SCGB2B2: variants seen among roughly 807,000 people sequenced by gnomAD.
The protein encoded by SCGB2B2 is secretoglobin family 2B member 2, also known as secretoglobin-like protein.
SCGB2B2 carries 11 observed loss-of-function variants against 7.6 expected under a neutral mutation model. The ratio of observed to expected loss-of-function variants is 1.45; its 90% CI spans 0.91 to 2.40. The LOEUF (loss-of-function observed/expected upper bound fraction) is 2.40. Among genes scored for constraint, SCGB2B2 ranks in the 30% most tolerant of loss-of-function variants. SCGB2B2 has a pLI of 0.00. For synonymous variants in SCGB2B2, 50 were observed against 48.6 expected, an observed-to-expected ratio of 1.03 and a Z score of -0.12; for missense variants, 104 against 115.4, an observed-to-expected ratio of 0.90 and a Z score of 0.45.
rs144277579 is a variant in SCGB2B2, at chr19:34,629,957, T to C, written c.-2031-33363A>G. ...ATAACAGAACCCTCAGAAATAATGC[T>C]GCATATCTACAACTATCTGATCTTT... On this transcript the variant is annotated intron_variant, in intron 1 of 3. Coordinates refer to ENST00000601241, the MANE Select transcript of SCGB2B2 (RefSeq NM_001025591.4). Among the ~76,000 whole-genome samples, 1,192 of 151,948 alleles carry C rather than the reference T, an allele frequency of 7.8e-3. 20 individuals are homozygous for C. The highest frequency in any genetic ancestry group is 0.027 in the African/African-American group (1,128 of 41,508).
intron 1 of SCGB2B2, among the ~76,000 whole-genome samples, chr19:34,659,129 G>A (rs141558558): frequency 6.6e-5 from 10 of 152,262 alleles, no homozygotes; most frequent in African/African-American, 2.4e-4. Context: ...AGGTATTGAT[G>A]GGACGTATCT....
chr19:34,644,365 T>TG, intron 1 of SCGB2B2, among the ~76,000 whole-genome samples: 1 of 148,236 alleles, frequency 6.7e-6, no homozygotes, highest in East Asian at 1.9e-4. Context: ...TTTTTTTGTT[T>TG]TTTTTTTTTT....
chr19:34,663,877 T>C (rs1383942494), intron 1 of SCGB2B2, among the ~76,000 whole-genome samples: 1 of 151,750 alleles, frequency 6.6e-6, no homozygotes. Flanking sequence ...AGGAGAGGAC[T>C]GGGGGGAAGA....
chr19:34,607,251 T>G (rs1457711715), intron 1 of SCGB2B2, among the ~76,000 whole-genome samples: 1 of 152,190 alleles, frequency 6.6e-6, no homozygotes, highest in Non-Finnish European at 1.5e-5. Flanking sequence ...TGAATAGTAT[T>G]CCATTGTATA....
Position 34,676,191 on chromosome 19 carries a change from T to C in SCGB2B2, c.-2593A>G, listed in dbSNP as rs1229875501. 2 of 152,186 alleles carry C rather than the reference T, an allele frequency of 1.3e-5. No individual in the cohort carries two copies. The highest frequency in any genetic ancestry group is 2.9e-5 in the Non-Finnish European group (2 of 68,044). The allele number at this position is 152,186 out of a possible 1,614,324, so 9.4% of individuals were successfully genotyped here. On this transcript the variant is annotated 5_prime_UTR_variant, in exon 1 of 4. Transcript: ENST00000601241. Reference sequence around the variant, plus strand: ...TGCTGACTGGTGCATTTACAAACCTTTAGCTAGACACAGAGCACTGATTGG... The same window carrying C: ...TGCTGACTGGTGCATTTACAAACCTCTAGCTAGACACAGAGCACTGATTGG...
At chr19:34,652,268 G>A (rs1036561144) in intron 1 of SCGB2B2, among the ~76,000 whole-genome samples, 14 of 151,074 alleles carry the variant, frequency 9.3e-5, no homozygotes, top group African/African-American at 3.5e-4. Flanking sequence ...GCAAAAATAG[G>A]ATAACTGGAT....
chr19:34,596,891 G>C (rs1036004489), intron 1 of SCGB2B2, among the ~76,000 whole-genome samples: 5 of 152,014 alleles, frequency 3.3e-5, no homozygotes, highest in Non-Finnish European at 7.4e-5. Flanking sequence ...CTGGACCCCA[G>C]AGCACTGTGT....
At chr19:34,671,336 C>T (rs1384417461) in intron 1 of SCGB2B2, among the ~76,000 whole-genome samples, 1 of 152,192 alleles carries the variant, frequency 6.6e-6, no homozygotes, top group African/African-American at 2.4e-5. Context: ...TGGTCTATTT[C>T]TGGACTTTCT....
chr19:34,647,010 C>G (rs1159373970), intron 1 of SCGB2B2, among the ~76,000 whole-genome samples: 2 of 152,128 alleles, frequency 1.3e-5, no homozygotes, highest in Non-Finnish European at 2.9e-5. Flanking sequence ...CAGCACAACC[C>G]CACCCCGCCT....
intron 1 of SCGB2B2, among the ~76,000 whole-genome samples, chr19:34,653,955 A>C (rs1174678841): frequency 1.3e-5 from 2 of 148,904 alleles, no homozygotes; most frequent in African/African-American, 5.1e-5. Flanking sequence ...TGGTACTGGA[A>C]GTCCCACCCA....
At chr19:34,636,483 G>T (rs1399442694) in intron 1 of SCGB2B2, among the ~76,000 whole-genome samples, 1 of 152,204 alleles carries the variant, frequency 6.6e-6, no homozygotes, top group East Asian at 1.9e-4. Flanking sequence ...CTGAACAAAA[G>T]GGTGTGTCCA....
intron 1 of SCGB2B2, among the ~76,000 whole-genome samples, chr19:34,626,821 T>C (rs1039211124): frequency 3.3e-5 from 5 of 152,022 alleles, no homozygotes; most frequent in Non-Finnish European, 5.9e-5. Context: ...TTCACCAAAG[T>C]TGAAATGAAG....
At chr19:34,668,729 T>C (rs2067712328) in intron 1 of SCGB2B2, among the ~76,000 whole-genome samples, 1 of 152,108 alleles carries the variant, frequency 6.6e-6, no homozygotes, top group African/African-American at 2.4e-5. Context: ...TGTATCTAGC[T>C]ACTCTGGTGG....
chr19:34,667,761 G>A (rs111695636), intron 1 of SCGB2B2, among the ~76,000 whole-genome samples: 1,954 of 151,526 alleles, frequency 0.013, 32 homozygotes, highest in South Asian at 0.072. Context: ...CTCCTGTAAC[G>A]GGAAGGTGGG....
intron 1 of SCGB2B2, among the ~76,000 whole-genome samples, chr19:34,611,838 G>A (rs1285643930): frequency 6.6e-6 from 1 of 151,160 alleles, no homozygotes; most frequent in African/African-American, 2.4e-5. Context: ...ATTTTTAGTA[G>A]AGACTGGGTT....
chr19:34,630,455 A>C (rs192110001), intron 1 of SCGB2B2, among the ~76,000 whole-genome samples: 134 of 152,170 alleles, frequency 8.8e-4, no homozygotes, highest in African/African-American at 3.1e-3. Context: ...TGGGCGAAGG[A>C]TATGAACAGA....
Position 34,595,495 on chromosome 19 carries a change from G to A in SCGB2B2, c.-932C>T, listed in dbSNP as rs6510431. 70,547 of 152,496 alleles carry A rather than the reference G, an allele frequency of 0.46. 16,611 individuals carry two copies. Among genetic ancestry groups the A allele is most frequent in the East Asian group, 0.62 (3,202 of 5,174 alleles). 9.4% of individuals were successfully genotyped at this position (152,496 alleles called of 1,614,324 possible). A position where few individuals can be genotyped will look rare whatever the true frequency, so the allele number is the denominator to read the frequency against. Reference sequence around the variant, plus strand: ...GAGAGTAGCTAGTAGGAGCGGCCTTGACTGGGAGCCTGCACGTCTGTCCAC... The same window carrying A: ...GAGAGTAGCTAGTAGGAGCGGCCTTAACTGGGAGCCTGCACGTCTGTCCAC... On this transcript the variant is annotated 5_prime_UTR_variant, in exon 2 of 4. The change creates a premature stop within an existing upstream ORF in the 5' untranslated region. Transcript: ENST00000601241.
intron 1 of SCGB2B2, among the ~76,000 whole-genome samples, chr19:34,615,802 G>A (rs542341566): frequency 2.0e-5 from 3 of 151,272 alleles, no homozygotes; most frequent in East Asian, 1.9e-4. Flanking sequence ...CCACTAACTC[G>A]TCATCTAGCA....
At position 34,594,603 on chromosome 19, in the gene SCGB2B2, T is replaced by C. The variant is rs758666857; in HGVS notation, c.-40A>G. 4.6e-5 allele frequency: 73 copies of C among 1,573,988 alleles called. No homozygotes were observed. Among genetic ancestry groups the C allele is most frequent in the South Asian group, 7.8e-5 (7 of 90,076 alleles). The stretch of plus-strand genomic sequence containing the variant: ...GTCCCAGCAGGCACAGGCAGGGAAT[T>C]TGGCGATGGGTGAGCTTTATGTATA... On this transcript the variant is annotated 5_prime_UTR_variant, in exon 2 of 4. Transcript: ENST00000601241.
Sources: gnomAD v4.1 joint callset for allele counts (sites outside exome capture counted in the v4.1 genomes callset) on GRCh38, gnomAD v4.1.1 for gene constraint, MANE v1.5 for transcripts, NCBI Gene and HGNC (gene_info 2026-07-23, HGNC 2026-07-21) for gene names.